CHL1: variants seen among roughly 807,000 people sequenced by gnomAD.
CHL1 encodes the protein neural cell adhesion molecule L1-like protein.
Under a neutral mutation model 141.9 loss-of-function variants are expected in CHL1, and 96 were observed. The ratio of observed to expected loss-of-function variants is 0.68; its 90% CI spans 0.57 to 0.80. The LOEUF (loss-of-function observed/expected upper bound fraction) is 0.80. Among genes scored for constraint, CHL1 ranks in the 30% least tolerant of loss-of-function variants. CHL1 has a pLI of 0.00. For missense variants in CHL1, 1,820 were observed against 1,457.2 expected (o/e 1.25, Z -4.05); for synonymous variants, 613 against 502.2 (o/e 1.22, Z -2.95).
Position 349,365 on chromosome 3 carries a change from T to A in CHL1, c.855T>A (p.Thr285=). 1.2e-6 allele frequency: 2 copies of A among 1,611,538 alleles called. No homozygotes were observed. The highest frequency in any genetic ancestry group is 1.7e-6 in the Non-Finnish European group (2 of 1,179,080). The change falls in exon 10 of 28, where the codon ACT becomes ACA. Residue 285 remains threonine (T), a synonymous_variant. Coordinates refer to ENST00000256509, the MANE Select transcript of CHL1 (RefSeq NM_006614.4). Reference sequence around the variant, plus strand: ...ATTTAACTATTTTTTGCAGGCCAACTCCACAGGTTGATTGGAACAAAATTG... The same window carrying A: ...ATTTAACTATTTTTTGCAGGCCAACACCACAGGTTGATTGGAACAAAATTG... The part of the protein sequence containing the change: ...LLECFAEGLP[T]PQVDWNKIGG...
chr3:304,165 C>T (rs907468357), intron 2 of CHL1, among the ~76,000 whole-genome samples: 1 of 152,164 alleles, frequency 6.6e-6, no homozygotes, highest in African/African-American at 2.4e-5. Flanking sequence ...AGGATTTTCA[C>T]ATCAATGTTC....
At chr3:234,612 T>C (rs1028806217) in intron 1 of CHL1, among the ~76,000 whole-genome samples, 5 of 152,146 alleles carry the variant, frequency 3.3e-5, no homozygotes, top group African/African-American at 9.7e-5. Flanking sequence ...GCCCCCATGC[T>C]GGTGAGGCAC....
intron 13 of CHL1, 70 bp from the exon 14 acceptor site, chr3:363,147 C>T: frequency 2.3e-6 from 3 of 1,309,428 alleles, no homozygotes; most frequent in South Asian, 2.8e-5. Flanking sequence ...AATGACGTCA[C>T]TGACTAGTAT....
intron 8 of CHL1, among the ~76,000 whole-genome samples, chr3:343,787 A>T (rs932533079): frequency 2.0e-5 from 3 of 152,218 alleles, no homozygotes; most frequent in Non-Finnish European, 4.4e-5. Flanking sequence ...CATCCCCAAC[A>T]TCATTTCCTT....
chr3:237,610 G>T (rs113675909), intron 1 of CHL1, among the ~76,000 whole-genome samples: 1 of 152,176 alleles, frequency 6.6e-6, no homozygotes, highest in Non-Finnish European at 1.5e-5. Context: ...CACACATTAG[G>T]TTCGTATCTT....
intron 2 of CHL1, among the ~76,000 whole-genome samples, chr3:255,293 C>G (rs381233): frequency 4.6e-5 from 7 of 151,930 alleles, no homozygotes; most frequent in African/African-American, 1.7e-4. Flanking sequence ...GACTGGAGTC[C>G]CAGCTGCTAG....
intron 1 of CHL1, among the ~76,000 whole-genome samples, chr3:231,694 A>G (rs1304495648): frequency 6.7e-6 from 1 of 149,008 alleles, no homozygotes; most frequent in East Asian, 2.0e-4. Context: ...CTCCTGCCTC[A>G]GCCTCCTGAG....
intron 1 of CHL1, among the ~76,000 whole-genome samples, chr3:205,326 C>T (rs1345204679): frequency 6.6e-6 from 1 of 152,070 alleles, no homozygotes; most frequent in Non-Finnish European, 1.5e-5. Context: ...GTTGTCCAGG[C>T]TGGTTTCAAA....
chr3:398,671 A>C lies in CHL1; in HGVS notation c.3253+286A>C, dbSNP rs570815728. 2.0e-3 allele frequency among the ~76,000 whole-genome samples: 312 copies of C among 152,226 alleles called. 4 individuals are homozygous for C. Among genetic ancestry groups the C allele is most frequent in the Non-Finnish European group, 2.8e-3 (191 of 68,036 alleles). On this transcript the variant is annotated intron_variant, in intron 25 of 27. Coordinates refer to ENST00000256509, the MANE Select transcript of CHL1 (RefSeq NM_006614.4). ...CTAAAAAGAAAAAGCAAAACAAAACAAAAACCACCGGTCTCCATGGTCATC... is the reference window on the plus strand; with the variant it reads ...CTAAAAAGAAAAAGCAAAACAAAACCAAAACCACCGGTCTCCATGGTCATC...
At chr3:340,506 T>G (rs1025200659) in intron 5 of CHL1, among the ~76,000 whole-genome samples, 1 of 152,204 alleles carries the variant, frequency 6.6e-6, no homozygotes, top group African/African-American at 2.4e-5. Flanking sequence ...GGTTTATATC[T>G]CTGCTCAGAG....
intron 1 of CHL1, among the ~76,000 whole-genome samples, chr3:243,433 G>A (rs1207231425): frequency 1.1e-4 from 16 of 152,114 alleles, no homozygotes; most frequent in Admixed American, 1.0e-3. Context: ...AAACATTTCT[G>A]CTTGTAATAA....
intron 1 of CHL1, among the ~76,000 whole-genome samples, chr3:225,747 C>T (rs1428342360): frequency 2.0e-5 from 3 of 152,190 alleles, no homozygotes; most frequent in African/African-American, 2.4e-5. Flanking sequence ...TGGTGGCTCA[C>T]GCCTGTAATC....
chr3:340,780 A>AT lies in CHL1; in HGVS notation c.386-8dup, dbSNP rs752205918. 1.9e-5 allele frequency: 30 copies of AT among 1,593,716 alleles called. No homozygotes were observed. The highest frequency in any genetic ancestry group is 2.5e-5 in the Non-Finnish European group (29 of 1,165,830). On this transcript the variant is annotated splice_polypyrimidine_tract_variant and intron_variant, in intron 5 of 27. Transcript: ENST00000256509. ...AATTTTAAAATAACACATTAAAATG[A>AT]TTTTTTACACCAGGTGTTCCAAAAT... is the stretch of plus-strand genomic sequence containing the variant.
intron 2 of CHL1, among the ~76,000 whole-genome samples, chr3:305,634 AAAT>A (rs1699161523): frequency 6.6e-6 from 1 of 151,534 alleles, no homozygotes; most frequent in Admixed American, 6.6e-5. Context: ...ACTTAACAAA[AAAT>A]AATAGATATA....
At chr3:372,190 C>T (rs563713610) in intron 15 of CHL1, among the ~76,000 whole-genome samples, 3 of 152,242 alleles carry the variant, frequency 2.0e-5, no homozygotes, top group African/African-American at 4.8e-5. Context: ...GGATAATATC[C>T]GGAAGTGTGT....
intron 26 of CHL1, among the ~76,000 whole-genome samples, chr3:401,182 A>G (rs763214943): frequency 2.0e-5 from 3 of 152,194 alleles, no homozygotes; most frequent in Non-Finnish European, 4.4e-5. Context: ...GATTACAGGC[A>G]TGAGCCACCA....
intron 1 of CHL1, among the ~76,000 whole-genome samples, chr3:225,398 G>T (rs1479133383): frequency 6.6e-6 from 1 of 152,130 alleles, no homozygotes; most frequent in Non-Finnish European, 1.5e-5. Flanking sequence ...GAGTTATATA[G>T]CATATTTAAA....
intron 23 of CHL1, among the ~76,000 whole-genome samples, chr3:394,465 T>G (rs1033453089): frequency 1.1e-4 from 16 of 152,132 alleles, no homozygotes; most frequent in African/African-American, 3.1e-4. Context: ...TCTGCAAATT[T>G]AGAGACCCAA....
intron 1 of CHL1, among the ~76,000 whole-genome samples, chr3:242,592 T>C (rs1477854490): frequency 1.6e-5 from 2 of 127,396 alleles, no homozygotes; most frequent in Admixed American, 8.8e-5. Flanking sequence ...TGGGACTCCA[T>C]CTCAAAATAA....
Sources: gnomAD v4.1 joint callset for allele counts (sites outside exome capture counted in the v4.1 genomes callset) on GRCh38, gnomAD v4.1.1 for gene constraint, MANE v1.5 for transcripts, NCBI Gene and HGNC (gene_info 2026-07-23, HGNC 2026-07-21) for gene names.